The following RAB11FIP4 variants were observed in gnomAD, a reference collection of about 807,000 sequenced individuals.
RAB11FIP4 encodes the protein rab11 family-interacting protein 4.
RAB11FIP4 carries 23 observed loss-of-function variants against 74.3 expected under a neutral mutation model. The observed-to-expected ratio is 0.31, with a 90% confidence interval of 0.22 to 0.44. The LOEUF (loss-of-function observed/expected upper bound fraction) is 0.44. Among genes scored for constraint, RAB11FIP4 ranks in the 20% least tolerant of loss-of-function variants. The probability of loss-of-function intolerance (pLI) is 1.00; values close to 1 mark genes in which losing one functional copy is unlikely to be tolerated. For synonymous variants in RAB11FIP4, 360 were observed against 359.9 expected, an observed-to-expected ratio of 1.00 and a Z score of 0.00; for missense variants, 630 against 863.9, an observed-to-expected ratio of 0.73 and a Z score of 3.39.
chr17:31,452,997 G>T (rs958506921), intron 3 of RAB11FIP4, among the ~76,000 whole-genome samples: 5 of 152,124 alleles, frequency 3.3e-5, no homozygotes, highest in Non-Finnish European at 5.9e-5. Context: ...TCCAAGCTTT[G>T]GTTTCAGGAG....
intron 3 of RAB11FIP4, among the ~76,000 whole-genome samples, chr17:31,500,588 T>C (rs1266834623): frequency 1.3e-5 from 2 of 152,234 alleles, no homozygotes; most frequent in Non-Finnish European, 1.5e-5. Context: ...GTAGGTAAAA[T>C]ACCTTTTACA....
intron 1 of RAB11FIP4, among the ~76,000 whole-genome samples, chr17:31,415,749 C>T (rs1468213684): frequency 4.6e-5 from 7 of 152,140 alleles, no homozygotes; most frequent in African/African-American, 9.7e-5. Flanking sequence ...CCAGGAAGCA[C>T]AGCATCCCTG....
At chr17:31,518,991 T>A (rs2072612861) in intron 4 of RAB11FIP4, among the ~76,000 whole-genome samples, 1 of 139,354 alleles carries the variant, frequency 7.2e-6, no homozygotes, top group Admixed American at 7.3e-5. Flanking sequence ...TGCCACCATG[T>A]CCAGCTAAGT....
Position 31,517,667 on chromosome 17 carries a change from G to A in RAB11FIP4, c.353G>A (p.Gly118Asp). 6.2e-7 allele frequency: 1 copy of A among 1,605,550 alleles called. No individual in the cohort carries two copies. ...CTTTCCCAGGGCAGCGAGGTCACAG[G>A]CCCCACCTTTGCTGATGGCGAGCTC... ...DCVEQGSEVTGPTFADGELIP... is the reference protein window; with the variant it reads ...DCVEQGSEVTDPTFADGELIP... Residue 118 changes from glycine to aspartate, a missense_variant, in exon 4 of 15, where the codon GGC (glycine) becomes GAC (aspartate). Transcript: ENST00000621161.
At chr17:31,410,587 A>G (rs146715903) in intron 1 of RAB11FIP4, among the ~76,000 whole-genome samples, 1 of 151,538 alleles carries the variant, frequency 6.6e-6, no homozygotes, top group African/African-American at 2.4e-5. Context: ...GGTGGTGCGC[A>G]CCTGTAGTCC....
intron 3 of RAB11FIP4, among the ~76,000 whole-genome samples, chr17:31,447,273 G>A (rs2071476536): frequency 6.6e-6 from 1 of 152,164 alleles, no homozygotes; most frequent in Admixed American, 6.5e-5. Flanking sequence ...CACAGAGCGT[G>A]AGACTCCGTC....
rs1385147571 is a variant in RAB11FIP4 at position 31,532,467 on chromosome 17, CAATG to C, written c.*738_*741del. The C allele has an allele frequency of 1.3e-5, 2 of 152,660 alleles. No individual in the cohort carries two copies. Among genetic ancestry groups the C allele is most frequent in the East Asian group, 1.9e-4 (1 of 5,194 alleles). 9.5% of individuals were successfully genotyped at this position (152,660 alleles called of 1,614,324 possible). A position where few individuals can be genotyped will look rare whatever the true frequency, so the allele number is the denominator to read the frequency against. ...CCCCGTTTCTGTTTCAGTTTTAAGACAATGAAGCAGCATTCACTGCGTCATTGTA... is the reference window on the plus strand; with the variant it reads ...CCCCGTTTCTGTTTCAGTTTTAAGACAAGCAGCATTCACTGCGTCATTGTA... On this transcript the variant is annotated 3_prime_UTR_variant, in exon 15 of 15. Transcript: ENST00000621161.
At chr17:31,471,031 A>C (rs1029432404) in intron 3 of RAB11FIP4, among the ~76,000 whole-genome samples, 1 of 152,032 alleles carries the variant, frequency 6.6e-6, no homozygotes, top group Non-Finnish European at 1.5e-5. Flanking sequence ...AATGTTTTAA[A>C]ATCATATGTC....
At chr17:31,451,827 AC>A (rs2071530169) in intron 3 of RAB11FIP4, among the ~76,000 whole-genome samples, 1 of 119,448 alleles carries the variant, frequency 8.4e-6, no homozygotes, top group South Asian at 3.0e-4. Flanking sequence ...CTCCCTCCCC[AC>A]CCTGCCCCCA....
chr17:31,524,941 G>C, intron 9 of RAB11FIP4, 149 bp from the exon 10 acceptor site: 1 of 897,358 alleles, frequency 1.1e-6, no homozygotes, highest in South Asian at 1.6e-5. Context: ...CGGTGTCCCC[G>C]TTCATCTCTC....
chr17:31,477,229 C>T (rs571993815), intron 3 of RAB11FIP4, among the ~76,000 whole-genome samples: 1 of 152,356 alleles, frequency 6.6e-6, no homozygotes, highest in Admixed American at 6.5e-5. Context: ...GAGTCGTCAT[C>T]GTCCACTGTC....
intron 3 of RAB11FIP4, among the ~76,000 whole-genome samples, chr17:31,448,058 T>A (rs2071485490): frequency 6.6e-6 from 1 of 151,268 alleles, no homozygotes; most frequent in South Asian, 2.1e-4. Flanking sequence ...GCGATCCACC[T>A]GTCTCGGCCT....
At chr17:31,421,666 C>T (rs924795626) in intron 1 of RAB11FIP4, among the ~76,000 whole-genome samples, 23 of 149,794 alleles carry the variant, frequency 1.5e-4, no homozygotes, top group African/African-American at 4.9e-4. Flanking sequence ...AAGTGATTCT[C>T]TTGCCTCAGC....
chr17:31,519,646 A>T (rs2072625920), intron 4 of RAB11FIP4, among the ~76,000 whole-genome samples: 1 of 152,194 alleles, frequency 6.6e-6, no homozygotes, highest in South Asian at 2.1e-4. Context: ...AGGGGTTCCC[A>T]TGTTGGTTGA....
intron 4 of RAB11FIP4, among the ~76,000 whole-genome samples, chr17:31,519,247 C>G (rs1346275239): frequency 6.6e-6 from 1 of 152,054 alleles, no homozygotes; most frequent in Non-Finnish European, 1.5e-5. Flanking sequence ...ATCTCCTGAC[C>G]TCGTGATCCA....
intron 1 of RAB11FIP4, among the ~76,000 whole-genome samples, chr17:31,400,207 G>A (rs1372948458): frequency 6.6e-6 from 1 of 152,198 alleles, no homozygotes; most frequent in African/African-American, 2.4e-5. Context: ...TCAGGTGCGG[G>A]TAAGTGGCAG....
chr17:31,511,866 C>T (rs1281997294), intron 3 of RAB11FIP4, among the ~76,000 whole-genome samples: 1 of 152,236 alleles, frequency 6.6e-6, no homozygotes, highest in African/African-American at 2.4e-5. Flanking sequence ...TGACTTGGGG[C>T]CTGCTGGCAG....
intron 3 of RAB11FIP4, among the ~76,000 whole-genome samples, chr17:31,493,473 G>GA (rs1247894726): frequency 6.6e-6 from 1 of 151,974 alleles, no homozygotes; most frequent in African/African-American, 2.4e-5. Context: ...CTGCTCCGGT[G>GA]AACTTGGGGT....
intron 3 of RAB11FIP4, among the ~76,000 whole-genome samples, chr17:31,452,315 G>A (rs2071534109): frequency 1.3e-5 from 2 of 152,128 alleles, no homozygotes; most frequent in Admixed American, 1.3e-4. Flanking sequence ...GTGGAATGTT[G>A]ACTCTTTGTC....
Sources: gnomAD v4.1 joint callset for allele counts (sites outside exome capture counted in the v4.1 genomes callset) on GRCh38, gnomAD v4.1.1 for gene constraint, MANE v1.5 for transcripts, NCBI Gene and HGNC (gene_info 2026-07-23, HGNC 2026-07-21) for gene names.